The following CTSO variants were observed in gnomAD, a reference collection of about 807,000 sequenced individuals.
CTSO encodes the protein cathepsin O.
In CTSO, 40 loss-of-function variants were observed where a neutral mutation model predicts 42.4. The observed-to-expected ratio is 0.94, with a 90% CI of 0.73 to 1.23. The LOEUF (loss-of-function observed/expected upper bound fraction) is 1.23, where lower values mean the gene tolerates loss of function less well. Among genes scored for constraint, CTSO ranks in the 50% most tolerant of loss-of-function variants. The pLI, the probability that CTSO is intolerant of heterozygous loss-of-function variation, is 0.00. For missense variants in CTSO, 441 were observed against 396.0 expected (o/e 1.11, Z -0.96); for synonymous variants, 156 against 146.2 (o/e 1.07, Z -0.48).
At position 155,928,385 on chromosome 4, in the gene CTSO, A is replaced by G. The variant is rs1210062297; in HGVS notation, c.882T>C (p.Ser294=). 13 of 1,613,428 alleles carry G rather than the reference A, an allele frequency of 8.1e-6. No individual in the cohort carries two copies. The East Asian group carries it at 2.2e-4, about 28-fold the overall frequency. Residue 294 remains serine, a synonymous_variant, in exon 7 of 8, where the codon TCT becomes TCC. Transcript: ENST00000433477. ...CATGGGCATAACCATCTACTCCCCA[A>G]GAACTTCCCCAGGAATTCCGCACAA... ...YWIVRNSWGS[S]WGVDGYAHVK... is the part of the protein sequence containing the mutation.
chr4:155,937,500 A>T lies in CTSO; in HGVS notation c.553-17T>A. ...TACTTGCATCTAAAAGAAAACAATC[A>T]CTGAACATGTTTACTGTCAATTGTT... On this transcript the variant is annotated splice_polypyrimidine_tract_variant and intron_variant, in intron 4 of 7. Coordinates refer to ENST00000433477, the MANE Select transcript of CTSO (RefSeq NM_001334.3). 6.2e-7 allele frequency: 1 copy of T among 1,609,770 alleles called. No individual in the cohort carries two copies. Among genetic ancestry groups the T allele is most frequent in the Non-Finnish European group, 8.5e-7 (1 of 1,176,716 alleles).
In CTSO at chr4:155,925,977, G is replaced by A. The variant is rs1743122082; in HGVS notation, c.*59C>T. On this transcript the variant is annotated 3_prime_UTR_variant, in exon 8 of 8. Coordinates refer to ENST00000433477, the MANE Select transcript of CTSO (RefSeq NM_001334.3). ...GTTGAATAATACTTTGAAGTACTAT[G>A]TTACATTGCATTATGAAAACCTTCA... 7.1e-6 allele frequency: 10 copies of A among 1,416,668 alleles called. No homozygotes were observed. The highest frequency in any genetic ancestry group is 1.2e-5 in the South Asian group (1 of 83,222). 87.8% of individuals were successfully genotyped at this position (1,416,668 alleles called of 1,614,324 possible).
chr4:155,942,420 C>G lies in CTSO; in HGVS notation c.281G>C (p.Arg94Thr). The G allele has an allele frequency of 6.4e-7, 1 of 1,564,834 alleles. No individual in the cohort carries two copies. The highest frequency in any genetic ancestry group is 8.6e-7 in the Non-Finnish European group (1 of 1,157,006). The change falls in exon 3 of 8, where the codon AGA (arginine) becomes ACA (threonine). Residue 94 changes from arginine (R) to threonine (T), a missense_variant. Physicochemically the swap from Arg to Thr is moderately conservative, Grantham distance 71 (BLOSUM62 -1). Coordinates refer to ENST00000433477, the MANE Select transcript of CTSO (RefSeq NM_001334.3). Reference protein sequence around the residue: ...YLRSKPSKFPRYSAEVHMSIP... With the variant: ...YLRSKPSKFPTYSAEVHMSIP... ...GGACATATGTACTTCTGCTGAGTATCTGGGAAACTTGGAAGGTTTGCTTCT... is the reference window on the plus strand; with the variant it reads ...GGACATATGTACTTCTGCTGAGTATGTGGGAAACTTGGAAGGTTTGCTTCT...
chr4:155,929,976 C>T (rs1205547311), intron 5 of CTSO, among the ~76,000 whole-genome samples: 3 of 152,174 alleles, frequency 2.0e-5, no homozygotes, highest in Admixed American at 2.0e-4. Context: ...GCTGGGACTC[C>T]AGCCATTTAA....
chr4:155,952,174 AAG>A lies in CTSO; in HGVS notation c.135+1537_135+1538del, dbSNP rs1414188461. Among the ~76,000 whole-genome samples, 4 of 152,196 alleles carry A rather than the reference AAG, an allele frequency of 2.6e-5. No individual in the cohort carries two copies. The East Asian group carries it at 7.7e-4, about 29-fold the overall frequency. ...TAACCCGAGGTTTTTAAAATGTACTAAGAGTCTTCATAATTCGATCCTCCTCC... is the reference window on the plus strand; with the variant it reads ...TAACCCGAGGTTTTTAAAATGTACTAAGTCTTCATAATTCGATCCTCCTCC... On this transcript the variant is annotated intron_variant, in intron 1 of 7. Transcript: ENST00000433477.
At chr4:155,943,083 T>A in intron 2 of CTSO, 73 bp downstream of exon 2, 1 of 879,360 alleles carries the variant, frequency 1.1e-6, no homozygotes, top group Non-Finnish European at 1.8e-6. Context: ...AGATTTACAA[T>A]GAAATATTTA....
intron 5 of CTSO, among the ~76,000 whole-genome samples, chr4:155,936,364 G>A (rs977489733): frequency 6.6e-6 from 1 of 152,110 alleles, no homozygotes; most frequent in Non-Finnish European, 1.5e-5. Context: ...GTTCAAGGAC[G>A]CAATTTCACC....
At chr4:155,938,700 G>C (rs1370228613) in intron 4 of CTSO, among the ~76,000 whole-genome samples, 10 of 152,102 alleles carry the variant, frequency 6.6e-5, no homozygotes, top group African/African-American at 2.2e-4. Flanking sequence ...GCTGAGGCGG[G>C]TGGATCACAA....
At chr4:155,949,510 A>G (rs1743608144) in intron 1 of CTSO, among the ~76,000 whole-genome samples, 2 of 152,178 alleles carry the variant, frequency 1.3e-5, no homozygotes, top group Non-Finnish European at 2.9e-5. Flanking sequence ...AGAGACACCT[A>G]AGGTACTTTG....
intron 6 of CTSO, among the ~76,000 whole-genome samples, chr4:155,929,243 T>C (rs912473922): frequency 6.6e-6 from 1 of 152,234 alleles, no homozygotes; most frequent in Non-Finnish European, 1.5e-5. Context: ...TCAATAAATA[T>C]GTGGGTAAAG....
chr4:155,943,290 A>C (rs759140193), intron 1 of CTSO, 26 bp from the exon 2 acceptor site: 1 of 1,379,160 alleles, frequency 7.3e-7, no homozygotes, highest in Admixed American at 1.8e-5. Flanking sequence ...AAACTATTTC[A>C]TATCCACTAT....
At chr4:155,951,074 T>G (rs954889678) in intron 1 of CTSO, among the ~76,000 whole-genome samples, 3 of 152,266 alleles carry the variant, frequency 2.0e-5, no homozygotes, top group East Asian at 1.9e-4. Flanking sequence ...GGCCATCTAT[T>G]TACACATAAA....
rs114513396 is a variant in CTSO at position 155,939,908 on chromosome 4, C to T, written c.385-370G>A. On this transcript the variant is annotated intron_variant, in intron 3 of 7. Transcript: ENST00000433477. Reference sequence around the variant, plus strand: ...GGCTTTTCTTCTGGAGAGTGTGTGCCGACTCCCGCCCCAACCTTCCATCCC... The same window carrying T: ...GGCTTTTCTTCTGGAGAGTGTGTGCTGACTCCCGCCCCAACCTTCCATCCC... 5.2e-3 allele frequency among the ~76,000 whole-genome samples: 798 copies of T among 152,108 alleles called. 6 individuals are homozygous for T. Among genetic ancestry groups the T allele is most frequent in the African/African-American group, 0.019 (771 of 41,480 alleles).
chr4:155,945,055 G>C (rs1374030645), intron 1 of CTSO, among the ~76,000 whole-genome samples: 1 of 151,126 alleles, frequency 6.6e-6, no homozygotes, highest in Non-Finnish European at 1.5e-5. Context: ...TCAGGAGTTC[G>C]AGACCAGCCT....
At chr4:155,951,331 G>A (rs1400371782) in intron 1 of CTSO, among the ~76,000 whole-genome samples, 1 of 152,142 alleles carries the variant, frequency 6.6e-6, no homozygotes, top group African/African-American at 2.4e-5. Flanking sequence ...TGAGGGCATA[G>A]CTAGGTTTTG....
intron 3 of CTSO, among the ~76,000 whole-genome samples, chr4:155,941,110 T>G (rs944853478): frequency 2.0e-5 from 3 of 152,178 alleles, no homozygotes. Context: ...AAAATAAATA[T>G]AGACTCTGAG....
intron 5 of CTSO, among the ~76,000 whole-genome samples, chr4:155,934,702 C>G (rs1423431344): frequency 6.6e-6 from 1 of 152,146 alleles, no homozygotes; most frequent in Non-Finnish European, 1.5e-5. Context: ...TTTTGGAGTT[C>G]CATGGGCCCT....
intron 4 of CTSO, among the ~76,000 whole-genome samples, chr4:155,938,089 C>A (rs1392887474): frequency 6.6e-6 from 1 of 152,124 alleles, no homozygotes; most frequent in Non-Finnish European, 1.5e-5. Flanking sequence ...CCTGACGGTG[C>A]TATAGGGCAG....
intron 1 of CTSO, among the ~76,000 whole-genome samples, chr4:155,951,583 C>A (rs1026211673): frequency 2.0e-5 from 3 of 152,184 alleles, no homozygotes; most frequent in African/African-American, 7.2e-5. Context: ...ACAAAACTAT[C>A]TAAGGCTAAG....
Sources: allele counts gnomAD v4.1 joint callset (sites outside exome capture counted in the v4.1 genomes callset), GRCh38; gene constraint gnomAD v4.1.1; transcripts MANE v1.5; gene names NCBI Gene and HGNC (gene_info 2026-07-23, HGNC 2026-07-21).